The following ANKS1B variants were observed in gnomAD, a reference collection of about 807,000 sequenced individuals.
The protein encoded by ANKS1B is ankyrin repeat and sterile alpha motif domain-containing protein 1B.
In ANKS1B, 36 loss-of-function variants were observed where a neutral mutation model predicts 148.3. The ratio of observed to expected loss-of-function variants is 0.24; its 90% CI spans 0.19 to 0.32. The LOEUF is 0.32. ANKS1B is among the 10% of genes least tolerant of loss of function. ANKS1B has a pLI of 1.00. For synonymous variants in ANKS1B, 542 were observed against 560.8 expected, an observed-to-expected ratio of 0.97 and a Z score of 0.47; for missense variants, 1,157 against 1,542.6, an observed-to-expected ratio of 0.75 and a Z score of 4.19.
intron 10 of ANKS1B, among the ~76,000 whole-genome samples, chr12:99,498,368 G>C (rs1297247182): frequency 3.3e-5 from 5 of 152,098 alleles, no homozygotes; most frequent in Non-Finnish European, 7.3e-5. Context: ...ACCATGCCAA[G>C]TGGGCATAGT....
chr12:98,748,174 T>C (rs1364224329), intron 26 of ANKS1B, among the ~76,000 whole-genome samples: 1 of 152,196 alleles, frequency 6.6e-6, no homozygotes, highest in Non-Finnish European at 1.5e-5. Flanking sequence ...TTACATATTG[T>C]ATACATGTGT....
At chr12:99,688,608 G>A (rs917866071) in intron 8 of ANKS1B, among the ~76,000 whole-genome samples, 1 of 152,112 alleles carries the variant, frequency 6.6e-6, no homozygotes, top group African/African-American at 2.4e-5. Context: ...AGGCTGAAGT[G>A]GGAAGATCAC....
At chr12:99,686,362 C>T (rs572281159) in intron 8 of ANKS1B, among the ~76,000 whole-genome samples, 61 of 152,252 alleles carry the variant, frequency 4.0e-4, no homozygotes, top group African/African-American at 1.4e-3. Flanking sequence ...AGCCTTATCA[C>T]ACTATGCCCA....
chr12:99,416,856 A>T (rs570974701), intron 11 of ANKS1B, among the ~76,000 whole-genome samples: 1 of 151,502 alleles, frequency 6.6e-6, no homozygotes, highest in Admixed American at 6.6e-5. Context: ...AATGAAGTAC[A>T]TTTTTTTTTA....
At chr12:99,461,032 TG>T (rs1289771345) in intron 10 of ANKS1B, among the ~76,000 whole-genome samples, 1 of 150,922 alleles carries the variant, frequency 6.6e-6, no homozygotes, top group East Asian at 1.9e-4. Context: ...AAAGAAAATG[TG>T]GTGGATATAT....
intron 9 of ANKS1B, among the ~76,000 whole-genome samples, chr12:98,737,315 T>C (rs1293559423): frequency 6.6e-6 from 1 of 152,216 alleles, no homozygotes; most frequent in Non-Finnish European, 1.5e-5. Context: ...TGTACACTGT[T>C]TTCTCTATGC....
chr12:99,404,792 A>G (rs963827310), intron 11 of ANKS1B, among the ~76,000 whole-genome samples: 1 of 145,642 alleles, frequency 6.9e-6, no homozygotes, highest in African/African-American at 2.6e-5. Flanking sequence ...ATATTCAAGT[A>G]TAAGAAGGCC....
chr12:99,286,421 A>G (rs188958779), intron 12 of ANKS1B, among the ~76,000 whole-genome samples: 4 of 152,236 alleles, frequency 2.6e-5, no homozygotes, highest in African/African-American at 9.6e-5. Flanking sequence ...AGTACTTGTC[A>G]TAGGCCTTGG....
intron 9 of ANKS1B, among the ~76,000 whole-genome samples, chr12:99,651,321 T>A (rs543590464): frequency 6.6e-6 from 1 of 152,306 alleles, no homozygotes; most frequent in East Asian, 1.9e-4. Flanking sequence ...CATCTAACCA[T>A]AAATCACTTT....
chr12:99,499,464 C>A (rs1024832802), intron 10 of ANKS1B, among the ~76,000 whole-genome samples: 1 of 152,162 alleles, frequency 6.6e-6, no homozygotes, highest in East Asian at 1.9e-4. Flanking sequence ...AAAGTGGCTG[C>A]AAGAATATCT....
intron 12 of ANKS1B, chr12:99,344,777 T>A (rs2090434309): frequency 1.3e-5 from 2 of 152,038 alleles, no homozygotes; most frequent in Admixed American, 6.6e-5. Context: ...AATATTTCAA[T>A]TAGCTAAAAG....
chr12:99,721,098 C>G (rs1356677102), intron 8 of ANKS1B, among the ~76,000 whole-genome samples: 2 of 152,092 alleles, frequency 1.3e-5, no homozygotes, highest in Non-Finnish European at 2.9e-5. Context: ...ACCAATAATT[C>G]TAAATGACAA....
At chr12:99,308,504 T>C (rs980668624) in intron 12 of ANKS1B, among the ~76,000 whole-genome samples, 1 of 152,064 alleles carries the variant, frequency 6.6e-6, no homozygotes, top group Non-Finnish European at 1.5e-5. Context: ...ATCATTTGTC[T>C]ATTTCTGTAT....
At chr12:98,981,680 T>C (rs1051971435) in intron 17 of ANKS1B, among the ~76,000 whole-genome samples, 1 of 152,230 alleles carries the variant, frequency 6.6e-6, no homozygotes, top group African/African-American at 2.4e-5. Flanking sequence ...ATTTTGATAC[T>C]CCATTAACAG....
intron 11 of ANKS1B, among the ~76,000 whole-genome samples, chr12:99,423,135 G>T (rs927855365): frequency 2.0e-4 from 31 of 152,162 alleles, no homozygotes; most frequent in Non-Finnish European, 3.5e-4. Flanking sequence ...AAGTTGGCAT[G>T]CAAGCTAACT....
In ANKS1B at chr12:99,248,829, T is replaced by TA. The variant is rs564566522; in HGVS notation, c.1757-1966dup. Among the ~76,000 whole-genome samples the TA allele has an allele frequency of 1.3e-3, 191 of 152,296 alleles. 3 individuals carry two copies. The highest frequency in any genetic ancestry group is 2.1e-3 in the South Asian group (10 of 4,826). On this transcript the variant is annotated intron_variant, in intron 12 of 26. Coordinates refer to ENST00000683438, the MANE Select transcript of ANKS1B (RefSeq NM_001352186.2). ...ATATATTGCTATTAAAGATAAGCTT[T>TA]AAAAAAATCTAGGGTTGGTTTATCC...
intron 12 of ANKS1B, among the ~76,000 whole-genome samples, chr12:99,390,175 T>C (rs192607008): frequency 1.3e-5 from 2 of 152,348 alleles, no homozygotes; most frequent in Non-Finnish European, 2.9e-5. Context: ...GCTACATTAA[T>C]TAAGCATATG....
intron 17 of ANKS1B, among the ~76,000 whole-genome samples, chr12:98,997,663 T>C (rs1313869240): frequency 1.3e-5 from 2 of 152,150 alleles, no homozygotes; most frequent in African/African-American, 4.8e-5. Context: ...AGTGCTGGAA[T>C]TACAGGCATG....
intron 8 of ANKS1B, among the ~76,000 whole-genome samples, chr12:99,724,828 C>A (rs1381337056): frequency 6.6e-6 from 1 of 152,132 alleles, no homozygotes; most frequent in African/African-American, 2.4e-5. Flanking sequence ...ACGGTACAAG[C>A]CAGAAGAGAG....
Sources: gnomAD v4.1 joint callset for allele counts (sites outside exome capture counted in the v4.1 genomes callset) on GRCh38, gnomAD v4.1.1 for gene constraint, MANE v1.5 for transcripts, NCBI Gene and HGNC (gene_info 2026-07-23, HGNC 2026-07-21) for gene names.